Variants in KIAA0408 observed in about 807,000 individuals in gnomAD.
KIAA0408 encodes the protein uncharacterized protein KIAA0408.
KIAA0408 carries 51 observed loss-of-function variants against 60.9 expected under a neutral mutation model. The observed-to-expected ratio is 0.84, with a 90% CI of 0.67 to 1.06. KIAA0408 has a LOEUF of 1.06. Among genes scored for constraint, KIAA0408 ranks in the 50% least tolerant of loss-of-function variants. The probability of loss-of-function intolerance (pLI) is 0.00; values close to 1 mark genes in which losing one functional copy is unlikely to be tolerated. For missense variants in KIAA0408, 787 were observed against 833.9 expected (o/e 0.94, Z 0.69); for synonymous variants, 304 against 282.4 (o/e 1.08, Z -0.77).
chr6:127,459,174 C>A lies in KIAA0408; in HGVS notation c.-121+1G>T, dbSNP rs1583074463. 4 of 152,352 alleles carry A rather than the reference C, an allele frequency of 2.6e-5. No homozygotes were observed. The East Asian group carries it at 7.7e-4, about 29-fold the overall frequency. 9.4% of individuals were successfully genotyped at this position (152,352 alleles called of 1,614,324 possible). ...TGTAAACTTGCCGGAAAGAAACATA[C>A]CTTTCACACTGGGGAGAAATCCTAT... On this transcript the variant is annotated splice_donor_variant, in intron 1 of 5. Transcript: ENST00000483725. LOFTEE classifies it low-confidence loss of function (5UTR_SPLICE).
At chr6:127,450,436 G>A in intron 2 of KIAA0408, 84 bp from the exon 3 acceptor site, 1 of 1,461,652 alleles carries the variant, frequency 6.8e-7, no homozygotes, top group Non-Finnish European at 9.0e-7. Flanking sequence ...AAACCGCTTT[G>A]AGTTCTCTTT....
Position 127,446,852 on chromosome 6 carries a change from G to C in KIAA0408, c.1467C>G (p.Asn489Lys). The C allele has an allele frequency of 1.2e-6, 2 of 1,613,848 alleles. No individual in the cohort carries two copies. The highest frequency in any genetic ancestry group is 1.7e-6 in the Non-Finnish European group (2 of 1,179,878). The change falls in exon 5 of 6, where the codon AAC becomes AAG. Residue 489 changes from asparagine to lysine, a missense_variant. Coordinates refer to ENST00000483725, the MANE Select transcript of KIAA0408 (RefSeq NM_014702.5). ...STHTGSISQS[N>K]DVSGIWKTNA... is the part of the protein sequence containing the mutation. ...TGGTTTTCCAAATACCGGACACATC[G>C]TTACTTTGTGATATGCTACCTGTGT...
chr6:127,456,469 A>G (rs566683148), intron 1 of KIAA0408, among the ~76,000 whole-genome samples: 3 of 152,226 alleles, frequency 2.0e-5, no homozygotes, highest in Admixed American at 6.5e-5. Context: ...ACAAGACTAT[A>G]TCTAAACCCA....
Position 127,447,464 on chromosome 6 carries a change from G to A in KIAA0408, c.855C>T (p.Ala285=). The change falls in exon 5 of 6, where the codon GCC becomes GCT. Residue 285 remains alanine (A), a synonymous_variant. Coordinates refer to ENST00000483725, the MANE Select transcript of KIAA0408 (RefSeq NM_014702.5). ...RNFPSSDSEQ[A]YERWKERLDH... ...CTAACCTTTCCTTCCATCTTTCATA[G>A]GCTTGTTCAGAATCCGAGCTGGGAA... The A allele has an allele frequency of 6.2e-7, 1 of 1,613,944 alleles. No individual in the cohort carries two copies. Among genetic ancestry groups the A allele is most frequent in the East Asian group, 2.2e-5 (1 of 44,876 alleles).
intron 1 of KIAA0408, among the ~76,000 whole-genome samples, chr6:127,454,970 A>G (rs1773366522): frequency 6.6e-6 from 1 of 152,148 alleles, no homozygotes; most frequent in African/African-American, 2.4e-5. Flanking sequence ...GTATAAGTCT[A>G]AAATTTCTGG....
At chr6:127,448,001 A>G (rs940154176) in intron 4 of KIAA0408, among the ~76,000 whole-genome samples, 2 of 152,072 alleles carry the variant, frequency 1.3e-5, no homozygotes, top group Non-Finnish European at 2.9e-5. Context: ...TTTCACTATT[A>G]CCTGAGACTT....
In KIAA0408 at chr6:127,447,157, G is replaced by A; in HGVS notation, c.1162C>T (p.Pro388Ser). The stretch of plus-strand genomic sequence containing the variant: ...TCTGGGATCACCATTTCATATTTTG[G>A]ATTACTGGGGGTAGAGCAGGTTTTC... ...FQKTCSTPSN[P>S]KYEMVIPDHP... Residue 388 changes from proline (P) to serine (S), a missense_variant, in exon 5 of 6, where the codon CCA (proline) becomes TCA (serine). By Grantham distance (74) the Pro-to-Ser change is moderately conservative (BLOSUM62 -1). Coordinates refer to ENST00000483725, the MANE Select transcript of KIAA0408 (RefSeq NM_014702.5). The A allele has an allele frequency of 6.2e-7, 1 of 1,613,654 alleles. No homozygotes were observed. The highest frequency in any genetic ancestry group is 1.1e-5 in the South Asian group (1 of 90,968).
rs377310449 is a variant in KIAA0408 at position 127,446,687 on chromosome 6, C to T, written c.1632G>A (p.Pro544=). The stretch of plus-strand genomic sequence containing the variant: ...ACCTCGGACGGCCAGACAAATTACT[C>T]GGTCTCCAGTCATGCTCGTGGAGCA... ...RNMLHEHDWR[P]SNLSGRPRSA... The change falls in exon 5 of 6, where the codon CCG becomes CCA. Residue 544 remains proline, a synonymous_variant. Coordinates refer to ENST00000483725, the MANE Select transcript of KIAA0408 (RefSeq NM_014702.5). 8 of 1,613,968 alleles carry T rather than the reference C, an allele frequency of 5.0e-6. No individual in the cohort carries two copies. The highest frequency in any genetic ancestry group is 2.2e-5 in the East Asian group (1 of 44,864).
intron 1 of KIAA0408, among the ~76,000 whole-genome samples, chr6:127,455,464 G>C (rs1773376179): frequency 2.0e-5 from 3 of 152,108 alleles, no homozygotes; most frequent in African/African-American, 7.2e-5. Context: ...AGACTGTTGT[G>C]AACATACATA....
rs1773446136 is a variant in KIAA0408 at position 127,459,183 on chromosome 6, C to G, written c.-129G>C. The G allele has an allele frequency of 6.6e-6, 1 of 152,226 alleles. No homozygotes were observed. Among genetic ancestry groups the G allele is most frequent in the African/African-American group, 2.4e-5 (1 of 41,454 alleles). The allele number at this position is 152,226 out of a possible 1,614,324, so 9.4% of individuals were successfully genotyped here. On this transcript the variant is annotated 5_prime_UTR_variant, in exon 1 of 6. Coordinates refer to ENST00000483725, the MANE Select transcript of KIAA0408 (RefSeq NM_014702.5). ...GCCGGAAAGAAACATACCTTTCACACTGGGGAGAAATCCTATGGATGCTCG... is the reference window on the plus strand; with the variant it reads ...GCCGGAAAGAAACATACCTTTCACAGTGGGGAGAAATCCTATGGATGCTCG...
At chr6:127,450,558 G>C in intron 2 of KIAA0408, 1 of 638,460 alleles carries the variant, frequency 1.6e-6, no homozygotes, top group East Asian at 3.2e-5. Context: ...ACTTTTAGTA[G>C]GGCAACACAT....
rs746921568 is a variant in KIAA0408 at position 127,446,614 on chromosome 6, T to C, written c.1705A>G (p.Thr569Ala). 30 of 1,613,932 alleles carry C rather than the reference T, an allele frequency of 1.9e-5. No individual in the cohort carries two copies. Among genetic ancestry groups the C allele is most frequent in the Non-Finnish European group, 2.4e-5 (28 of 1,180,010 alleles). Residue 569 changes from threonine to alanine, a missense_variant, in exon 5 of 6, where the codon ACC becomes GCC. By Grantham distance (58) the Thr-to-Ala change is moderately conservative. Around this residue, in one of 3 missense-constraint regions of KIAA0408, gnomAD observed 640 missense variants for 681.3 expected, o/e 0.94. Coordinates refer to ENST00000483725, the MANE Select transcript of KIAA0408 (RefSeq NM_014702.5). ...NYGVVEKLLK[T>A]YETATESALQ... ...GCAGACTCTGTTGCTGTCTCATAGG[T>C]TTTCAGCAGCTTTTCCACAACACCA...
intron 2 of KIAA0408, chr6:127,450,680 T>A: frequency 5.0e-6 from 1 of 201,016 alleles, no homozygotes; most frequent in East Asian, 1.2e-4. Context: ...AATCAATTAC[T>A]GGCCATATTA....
At position 127,440,260 on chromosome 6, in the gene KIAA0408, C is replaced by T. The variant is rs1402735019; in HGVS notation, c.*3849G>A. Reference sequence around the variant, plus strand: ...CCCAATTTTTGCCTTTTTTGCTTTGCAAAGCACATTTTCTTGTAGGAACAT... The same window carrying T: ...CCCAATTTTTGCCTTTTTTGCTTTGTAAAGCACATTTTCTTGTAGGAACAT... On this transcript the variant is annotated 3_prime_UTR_variant, in exon 6 of 6. Coordinates refer to ENST00000483725, the MANE Select transcript of KIAA0408 (RefSeq NM_014702.5). 6.6e-6 allele frequency: 1 copy of T among 150,976 alleles called. No homozygotes were observed. The highest frequency in any genetic ancestry group is 1.5e-5 in the Non-Finnish European group (1 of 67,860). 9.4% of individuals were successfully genotyped at this position (150,976 alleles called of 1,614,324 possible).
chr6:127,458,538 T>C (rs1773433992), intron 1 of KIAA0408, among the ~76,000 whole-genome samples: 1 of 152,208 alleles, frequency 6.6e-6, no homozygotes, highest in East Asian at 1.9e-4. Context: ...ATTTTACTTA[T>C]AAAATGCAAA....
rs1044732892 is a variant in KIAA0408 at position 127,439,701 on chromosome 6, T to C, written c.*4408A>G. The C allele has an allele frequency of 8.5e-5, 13 of 152,144 alleles. No homozygotes were observed. The highest frequency in any genetic ancestry group is 3.1e-4 in the African/African-American group (13 of 41,448). 9.4% of individuals were successfully genotyped at this position (152,144 alleles called of 1,614,324 possible). On this transcript the variant is annotated 3_prime_UTR_variant, in exon 6 of 6. Transcript: ENST00000483725. ...GAGTCTGAAGAGCCATCTATTTAAC[T>C]ATCATCTTCAAAAATATTTATTCTA...
rs1304395951 is a variant in KIAA0408 at position 127,440,307 on chromosome 6, A to C, written c.*3802T>G. On this transcript the variant is annotated 3_prime_UTR_variant, in exon 6 of 6. Transcript: ENST00000483725. Reference sequence around the variant, plus strand: ...ACATATTTTCAGGGTGAGATGAACAAGTCATAGTTATAAGTTCTTTTTTTT... The same window carrying C: ...ACATATTTTCAGGGTGAGATGAACACGTCATAGTTATAAGTTCTTTTTTTT... 6.7e-6 allele frequency: 1 copy of C among 149,738 alleles called. No homozygotes were observed. The highest frequency in any genetic ancestry group is 1.5e-5 in the Non-Finnish European group (1 of 67,692). The allele number at this position is 149,738 out of a possible 1,614,324, so 9.3% of individuals were successfully genotyped here.
rs964192067 is a variant in KIAA0408, at chr6:127,440,197, C to T, written c.*3912G>A. 1.4e-4 allele frequency: 22 copies of T among 151,872 alleles called. No homozygotes were observed. Among genetic ancestry groups the T allele is most frequent in the African/African-American group, 5.3e-4 (22 of 41,328 alleles). The allele number at this position is 151,872 out of a possible 1,614,324, so 9.4% of individuals were successfully genotyped here. ...ATGAATATGCATACAATAAAAATGACGAGAAATCATTTTTGGTACTTGTCT... is the reference window on the plus strand; with the variant it reads ...ATGAATATGCATACAATAAAAATGATGAGAAATCATTTTTGGTACTTGTCT... On this transcript the variant is annotated 3_prime_UTR_variant, in exon 6 of 6. Coordinates refer to ENST00000483725, the MANE Select transcript of KIAA0408 (RefSeq NM_014702.5).
intron 2 of KIAA0408, among the ~76,000 whole-genome samples, chr6:127,453,197 A>G (rs1365204889): frequency 6.6e-6 from 1 of 152,104 alleles, no homozygotes; most frequent in Non-Finnish European, 1.5e-5. Flanking sequence ...CATCAATGCA[A>G]ATGCTTGAAG....
Sources: allele counts gnomAD v4.1 joint callset (sites outside exome capture counted in the v4.1 genomes callset), GRCh38; gene constraint gnomAD v4.1.1; regional missense constraint gnomAD v4.1.1; transcripts MANE v1.5; gene names NCBI Gene and HGNC (gene_info 2026-07-23, HGNC 2026-07-21).